CABLES1: variants seen among roughly 807,000 people sequenced by gnomAD.
CABLES1 encodes the protein CDK5 and ABL1 enzyme substrate 1.
A neutral mutation model predicts 57.8 loss-of-function variants in CABLES1; 36 were observed. The ratio of observed to expected loss-of-function variants is 0.62; its 90% CI spans 0.48 to 0.82. The LOEUF is 0.82. CABLES1 is among the 40% of genes least tolerant of loss of function. CABLES1 has a pLI of 0.00. For synonymous variants in CABLES1, 374 were observed against 363.0 expected (o/e 1.03, Z -0.35); for missense variants, 767 against 836.6 (o/e 0.92, Z 1.03).
rs553312626 is a variant in CABLES1 at position 23,249,756 on chromosome 18, G to A, written c.1447-3204G>A. Among the ~76,000 whole-genome samples the A allele has an allele frequency of 5.9e-5, 9 of 152,004 alleles. No homozygotes were observed. In the East Asian group the frequency reaches 9.7e-4, roughly 16 times the overall value. On this transcript the variant is annotated intron_variant, in intron 7 of 9. Coordinates refer to ENST00000256925, the MANE Select transcript of CABLES1 (RefSeq NM_001100619.3). Reference sequence around the variant, plus strand: ...TTGCTGAAGGTGGACCTGACCCCCCGCCCCCGACAGCCCTTTCCACTGCTA... The same window carrying A: ...TTGCTGAAGGTGGACCTGACCCCCCACCCCCGACAGCCCTTTCCACTGCTA...
intron 7 of CABLES1, among the ~76,000 whole-genome samples, chr18:23,251,618 C>A (rs1436257211): frequency 6.6e-6 from 1 of 152,112 alleles, no homozygotes; most frequent in African/African-American, 2.4e-5. Flanking sequence ...CCAGGGTATT[C>A]AGAAAGGACT....
chr18:23,158,036 C>T (rs1024925789), intron 1 of CABLES1, among the ~76,000 whole-genome samples: 3 of 151,066 alleles, frequency 2.0e-5, no homozygotes, highest in African/African-American at 4.9e-5. Context: ...AATCCCGGCA[C>T]TTTGGGAGGC....
chr18:23,164,148 G>A (rs2047024322), intron 1 of CABLES1, among the ~76,000 whole-genome samples: 1 of 152,190 alleles, frequency 6.6e-6, no homozygotes, highest in African/African-American at 2.4e-5. Context: ...ACTTAATGCA[G>A]TTCAAAATAT....
chr18:23,186,495 G>A lies in CABLES1; in HGVS notation c.846-2343G>A, dbSNP rs182526519. On this transcript the variant is annotated intron_variant, in intron 1 of 9. Coordinates refer to ENST00000256925, the MANE Select transcript of CABLES1 (RefSeq NM_001100619.3). Reference sequence around the variant, plus strand: ...GGCTGGAGTGCAGTGGCTTGATCTCGGCTCACTGCAACCTCTGCCTCCTGG... The same window carrying A: ...GGCTGGAGTGCAGTGGCTTGATCTCAGCTCACTGCAACCTCTGCCTCCTGG... Among the ~76,000 whole-genome samples, 48 of 150,732 alleles carry A rather than the reference G, an allele frequency of 3.2e-4. 1 individual carries two copies. The East Asian group carries it at 7.0e-3, about 22-fold the overall frequency.
rs182253364 is a variant in CABLES1, at chr18:23,167,591, C to A, written c.846-21247C>A. On this transcript the variant is annotated intron_variant, in intron 1 of 9. Transcript: ENST00000256925. ...TGCTTTGGTTTGTTCAGACATTCAG[C>A]AGCATTTACTGTGCACCTAATATGA... Among the ~76,000 whole-genome samples the A allele has an allele frequency of 2.0e-5, 3 of 152,278 alleles. No individual in the cohort carries two copies. In the East Asian group the frequency reaches 5.8e-4, roughly 29 times the overall value.
intron 4 of CABLES1, among the ~76,000 whole-genome samples, chr18:23,226,504 C>T (rs907120024): frequency 1.3e-5 from 2 of 151,962 alleles, no homozygotes; most frequent in African/African-American, 4.8e-5. Flanking sequence ...ACCCTCTGAC[C>T]TTTTGCTTCT....
At chr18:23,221,187 G>T (rs1308326234) in intron 4 of CABLES1, among the ~76,000 whole-genome samples, 1 of 152,242 alleles carries the variant, frequency 6.6e-6, no homozygotes, top group Non-Finnish European at 1.5e-5. Context: ...CACAGTACCA[G>T]GCATGTCTTC....
chr18:23,232,908 C>G (rs1213353867), intron 4 of CABLES1, among the ~76,000 whole-genome samples: 1 of 152,080 alleles, frequency 6.6e-6, no homozygotes, highest in Non-Finnish European at 1.5e-5. Context: ...GCTTTTTTCC[C>G]TTCTCTTCTC....
chr18:23,184,308 CGTGTGTGTGTGT>C (rs61158856), intron 1 of CABLES1, among the ~76,000 whole-genome samples: 17 of 146,422 alleles, frequency 1.2e-4, no homozygotes, highest in South Asian at 6.6e-4. Context: ...CATACTGGCA[CGTGTGTGTGTGT>C]GTGTGTGTGT....
intron 3 of CABLES1, among the ~76,000 whole-genome samples, chr18:23,213,112 A>G (rs1355795544): frequency 1.3e-5 from 2 of 152,210 alleles, no homozygotes; most frequent in Non-Finnish European, 1.5e-5. Flanking sequence ...TAGTGTTACA[A>G]CAAAGTTGAA....
chr18:23,136,863 T>C lies in CABLES1; in HGVS notation c.845+256T>C, dbSNP rs192886399. Among the ~76,000 whole-genome samples the C allele has an allele frequency of 9.2e-5, 14 of 152,274 alleles. No homozygotes were observed. In the East Asian group the frequency reaches 2.3e-3, roughly 25 times the overall value. ...CCGCGCTTGTGCAGTGGGTCGGGAATTGGGAGTTGCAGGAGCCCAGTAGAA... is the reference window on the plus strand; with the variant it reads ...CCGCGCTTGTGCAGTGGGTCGGGAACTGGGAGTTGCAGGAGCCCAGTAGAA... On this transcript the variant is annotated intron_variant, in intron 1 of 9. Transcript: ENST00000256925.
chr18:23,157,563 T>G (rs1028176058), intron 1 of CABLES1, among the ~76,000 whole-genome samples: 9 of 152,226 alleles, frequency 5.9e-5, no homozygotes, highest in African/African-American at 1.9e-4. Flanking sequence ...TCTGAAGGCC[T>G]CTTCCTTCTC....
chr18:23,209,802 G>GTTTT (rs144308151), intron 3 of CABLES1, among the ~76,000 whole-genome samples: 223 of 151,680 alleles, frequency 1.5e-3, no homozygotes, highest in East Asian at 1.7e-3. Context: ...TGGCTGGTGA[G>GTTTT]AGACATTGCC....
intron 4 of CABLES1, among the ~76,000 whole-genome samples, chr18:23,217,199 A>G (rs1192702329): frequency 6.6e-6 from 1 of 152,124 alleles, no homozygotes; most frequent in African/African-American, 2.4e-5. Flanking sequence ...CACCTGCCTC[A>G]GTCTCCCAAG....
At position 23,139,213 on chromosome 18, in the gene CABLES1, C is replaced by T. The variant is rs571533716; in HGVS notation, c.845+2606C>T. 5.9e-5 allele frequency among the ~76,000 whole-genome samples: 9 copies of T among 151,924 alleles called. No individual in the cohort carries two copies. In the South Asian group the frequency reaches 1.5e-3, roughly 25 times the overall value. On this transcript the variant is annotated intron_variant, in intron 1 of 9. Coordinates refer to ENST00000256925, the MANE Select transcript of CABLES1 (RefSeq NM_001100619.3). ...GGTCAGGAGTTCAAGACCAGCCTGG[C>T]CAACATGGTGAAACCCCATCTCTAC...
intron 1 of CABLES1, chr18:23,155,844 G>A: frequency 6.2e-7 from 1 of 1,611,476 alleles, no homozygotes; most frequent in Non-Finnish European, 8.5e-7. Flanking sequence ...TCTTCCTGGT[G>A]TTTGAATGAC....
chr18:23,232,985 C>T (rs185364675), intron 4 of CABLES1, among the ~76,000 whole-genome samples: 24 of 152,280 alleles, frequency 1.6e-4, no homozygotes, highest in African/African-American at 5.5e-4. Context: ...AGCAATTTGC[C>T]CCTGCCTTAT....
Position 23,191,906 on chromosome 18 carries a change from TAAAAAAAAAAAAAA to T in CABLES1, c.918-2520_918-2507del, listed in dbSNP as rs147984743. On this transcript the variant is annotated intron_variant, in intron 2 of 9. Transcript: ENST00000256925. ...TTCCCTGGTGATTTGGTTGAATGCT[TAAAAAAAAAAAAAA>T]AAAAAAAAAAAAAAAAAAAAAGGCA... Among the ~76,000 whole-genome samples, 674 of 82,670 alleles carry T rather than the reference TAAAAAAAAAAAAAA, an allele frequency of 8.2e-3. 9 individuals carry two copies. Among genetic ancestry groups the T allele is most frequent in the African/African-American group, 0.031 (636 of 20,688 alleles). 54.2% of individuals were successfully genotyped at this position (82,670 alleles called of 152,430 possible).
intron 3 of CABLES1, among the ~76,000 whole-genome samples, chr18:23,203,011 A>G (rs1039507709): frequency 2.0e-5 from 3 of 151,196 alleles, no homozygotes; most frequent in African/African-American, 7.3e-5. Context: ...GACTGGAGAC[A>G]CTCAGTGGCT....
Sources: gnomAD v4.1 joint callset for allele counts (sites outside exome capture counted in the v4.1 genomes callset) on GRCh38, gnomAD v4.1.1 for gene constraint, MANE v1.5 for transcripts, NCBI Gene and HGNC (gene_info 2026-07-23, HGNC 2026-07-21) for gene names.